The following CACNA1D variants were observed in gnomAD, a reference collection of about 807,000 sequenced individuals.
The protein encoded by CACNA1D is calcium voltage-gated channel subunit alpha1 D.
In CACNA1D, 55 loss-of-function variants were observed where a neutral mutation model predicts 257.1. The observed-to-expected ratio is 0.21, with a 90% CI of 0.17 to 0.27. The LOEUF (loss-of-function observed/expected upper bound fraction) is 0.27. Ranked by LOEUF, CACNA1D falls within the 10% of genes least tolerant of loss-of-function variation. The pLI, the probability that CACNA1D is intolerant of heterozygous loss-of-function variation, is 1.00. For synonymous variants in CACNA1D, 980 were observed against 1,014.9 expected (o/e 0.97, Z 0.65); for missense variants, 1,876 against 2,784.0 (o/e 0.67, Z 7.34).
chr3:53,564,203 G>A lies in CACNA1D; in HGVS notation c.483+62483G>A, dbSNP rs549301329. Among the ~76,000 whole-genome samples the A allele has an allele frequency of 5.3e-5, 8 of 151,736 alleles. No homozygotes were observed. The South Asian group carries it at 1.7e-3, about 32-fold the overall frequency. ...TTTGAGACAGTCTTGCTCTGTTGCC[G>A]AGGCTGGAGTGCAATGGCATAATCT... On this transcript the variant is annotated intron_variant, in intron 3 of 47. Coordinates refer to ENST00000350061, the MANE Select transcript of CACNA1D (RefSeq NM_001128840.3).
At chr3:53,733,242 A>T (rs923422272) in intron 19 of CACNA1D, among the ~76,000 whole-genome samples, 1 of 152,158 alleles carries the variant, frequency 6.6e-6, no homozygotes, top group Admixed American at 6.5e-5. Flanking sequence ...TCACCCCTGC[A>T]TGGGGACAGC....
intron 8 of CACNA1D, among the ~76,000 whole-genome samples, chr3:53,682,096 T>G (rs2094435019): frequency 6.6e-6 from 1 of 152,180 alleles, no homozygotes; most frequent in Non-Finnish European, 1.5e-5. Context: ...CATGGATGAA[T>G]TTTAAGCAGG....
At chr3:53,553,125 GTTACT>G (rs2092568807) in intron 3 of CACNA1D, among the ~76,000 whole-genome samples, 1 of 152,172 alleles carries the variant, frequency 6.6e-6, no homozygotes, top group African/African-American at 2.4e-5. Flanking sequence ...GAAACAAAAG[GTTACT>G]TTAAAGTAAT....
intron 3 of CACNA1D, among the ~76,000 whole-genome samples, chr3:53,618,884 T>C (rs997138152): frequency 1.3e-5 from 2 of 152,170 alleles, no homozygotes; most frequent in African/African-American, 4.8e-5. Context: ...CTCGGGCAAG[T>C]CACTTCACCT....
chr3:53,562,851 C>A (rs1247190239), intron 3 of CACNA1D, among the ~76,000 whole-genome samples: 1 of 152,164 alleles, frequency 6.6e-6, no homozygotes, highest in Non-Finnish European at 1.5e-5. Context: ...CATCCCATCC[C>A]CACAATAACC....
At chr3:53,624,207 G>A (rs759287109) in intron 3 of CACNA1D, among the ~76,000 whole-genome samples, 1 of 152,318 alleles carries the variant, frequency 6.6e-6, no homozygotes, top group Middle Eastern at 3.4e-3. Flanking sequence ...ATCACAGAGT[G>A]AACCGAGGAC....
intron 14 of CACNA1D, among the ~76,000 whole-genome samples, chr3:53,726,463 ACTCT>A (rs1170306922): frequency 6.6e-6 from 1 of 151,666 alleles, no homozygotes; most frequent in Admixed American, 6.6e-5. Flanking sequence ...CTGCTGTAAC[ACTCT>A]CTCTACTAAA....
Position 53,800,984 on chromosome 3 carries a change from A to T in CACNA1D, c.5041-74A>T. 6.7e-7 allele frequency: 1 copy of T among 1,501,282 alleles called. No homozygotes were observed. Among genetic ancestry groups the T allele is most frequent in the South Asian group, 1.1e-5 (1 of 88,490 alleles). The allele number at this position is 1,501,282 out of a possible 1,614,324, so 93.0% of individuals were successfully genotyped here. A position where few individuals can be genotyped will look rare whatever the true frequency, so the allele number is the denominator to read the frequency against. On this transcript the variant is annotated intron_variant, in intron 41 of 47. Transcript: ENST00000350061. The surrounding 1 kb of genome is among the most constrained non-coding windows in gnomAD (Gnocchi z 4.3). ...CCTAGAATTTGTTTTTCATGTAGAA[A>T]AAGTTACCTAACATAGCTAGTCTGC...
At chr3:53,795,104 G>A (rs1181184411) in intron 40 of CACNA1D, among the ~76,000 whole-genome samples, 7 of 152,216 alleles carry the variant, frequency 4.6e-5, no homozygotes, top group East Asian at 1.9e-4. Context: ...CGAGTCTTGC[G>A]GCCTGTGCTG....
intron 3 of CACNA1D, among the ~76,000 whole-genome samples, chr3:53,554,195 C>CAA (rs536981451): frequency 3.5e-5 from 4 of 114,010 alleles, no homozygotes; most frequent in Non-Finnish European, 3.9e-5. Context: ...GACTCTGTCT[C>CAA]AAAAAAAAAA....
chr3:53,756,909 T>C (rs2095268983), intron 29 of CACNA1D, among the ~76,000 whole-genome samples: 1 of 152,230 alleles, frequency 6.6e-6, no homozygotes, highest in Non-Finnish European at 1.5e-5. Context: ...CCTTCTCCAG[T>C]GAGCCATACT....
chr3:53,564,571 T>C (rs897176080), intron 3 of CACNA1D, among the ~76,000 whole-genome samples: 7 of 152,230 alleles, frequency 4.6e-5, no homozygotes, highest in Non-Finnish European at 7.3e-5. Flanking sequence ...TTGGTGTCTT[T>C]GGATAAACAG....
intron 37 of CACNA1D, 77 bp from the exon 38 acceptor site, chr3:53,779,949 G>T: frequency 9.6e-7 from 1 of 1,046,344 alleles, no homozygotes. Flanking sequence ...GTGATAAACG[G>T]AAAATAAACA....
chr3:53,502,216 TAATACATGATATTATTG>T (rs780601844), intron 3 of CACNA1D, among the ~76,000 whole-genome samples: 60 of 152,236 alleles, frequency 3.9e-4, no homozygotes, highest in Non-Finnish European at 7.8e-4. Flanking sequence ...ATTTGGAGAA[TAATACATGATATTATTG>T]AATACATGAT....
intron 14 of CACNA1D, among the ~76,000 whole-genome samples, chr3:53,725,004 C>CT (rs35909723): frequency 0.041 from 5,909 of 144,864 alleles, 380 homozygotes; most frequent in African/African-American, 0.13. Flanking sequence ...AAACTGGTGT[C>CT]TTTTTTTTTT....
intron 3 of CACNA1D, among the ~76,000 whole-genome samples, chr3:53,505,287 T>C (rs913856284): frequency 6.6e-6 from 1 of 151,932 alleles, no homozygotes; most frequent in African/African-American, 2.4e-5. Flanking sequence ...ATTTTTGTAT[T>C]TTTAGTAGAG....
chr3:53,546,175 G>A (rs1382830069), intron 3 of CACNA1D, among the ~76,000 whole-genome samples: 3 of 152,200 alleles, frequency 2.0e-5, no homozygotes, highest in East Asian at 1.9e-4. Context: ...GGCTGTGGCC[G>A]TCGCCGTGTC....
intron 29 of CACNA1D, among the ~76,000 whole-genome samples, chr3:53,755,940 A>C (rs1576572344): frequency 1.3e-5 from 2 of 152,170 alleles, no homozygotes; most frequent in African/African-American, 4.8e-5. Flanking sequence ...TCAAGGCTGC[A>C]GAAGGAGGAA....
chr3:53,600,371 G>A (rs1172813735), intron 3 of CACNA1D, among the ~76,000 whole-genome samples: 2 of 152,170 alleles, frequency 1.3e-5, no homozygotes, highest in Non-Finnish European at 2.9e-5. Flanking sequence ...GTAAAACCTT[G>A]CTGATCTGGT....
Sources: gnomAD v4.1 joint callset for allele counts (sites outside exome capture counted in the v4.1 genomes callset) on GRCh38, gnomAD v4.1.1 for gene constraint, Gnocchi (gnomAD v3.1) non-coding constraint, MANE v1.5 for transcripts, NCBI Gene and HGNC (gene_info 2026-07-23, HGNC 2026-07-21) for gene names.